Variants in CFL1 observed in about 807,000 individuals in gnomAD.
CFL1 encodes the protein cofilin 1.
A neutral mutation model predicts 16.3 loss-of-function variants in CFL1; 2 were observed. That is an observed-to-expected ratio of 0.12 (90% CI 0.05 to 0.39). CFL1 has a LOEUF of 0.39. CFL1 is among the 10% of genes least tolerant of loss of function. The probability of loss-of-function intolerance (pLI) is 0.99; values close to 1 mark genes in which losing one functional copy is unlikely to be tolerated. For synonymous variants in CFL1, 111 were observed against 84.4 expected (o/e 1.31, Z -1.73); for missense variants, 75 against 212.2 (o/e 0.35, Z 4.02).
At position 65,855,082 on chromosome 11, in the gene CFL1, G is replaced by C. The variant is rs1044213512; in HGVS notation, c.*254C>G. 2.9e-5 allele frequency: 13 copies of C among 448,414 alleles called. No individual in the cohort carries two copies. The highest frequency in any genetic ancestry group is 2.4e-4 in the African/African-American group (12 of 50,288). 27.8% of individuals were successfully genotyped at this position (448,414 alleles called of 1,614,324 possible). On this transcript the variant is annotated 3_prime_UTR_variant, in exon 4 of 4. Transcript: ENST00000308162. ...TCCCCCACAACTGGGGTGCCTGGGGGGAACTTGGTCTGCTTCAGCCCAAGA... is the reference window on the plus strand; with the variant it reads ...TCCCCCACAACTGGGGTGCCTGGGGCGAACTTGGTCTGCTTCAGCCCAAGA...
Position 65,856,251 on chromosome 11 carries a change from C to T in CFL1, c.4-9G>A, listed in dbSNP as rs1438901055. On this transcript the variant is annotated splice_polypyrimidine_tract_variant and intron_variant, in intron 1 of 3. Coordinates refer to ENST00000308162, the MANE Select transcript of CFL1 (RefSeq NM_005507.3). ...ACAGCCACACCGGAGGCCTAGGAGA[C>T]ATGCCACGTATACGTCAAGAAAAGG... is the stretch of plus-strand genomic sequence containing the variant. 2 of 1,609,810 alleles carry T rather than the reference C, an allele frequency of 1.2e-6. No individual in the cohort carries two copies. Among genetic ancestry groups the T allele is most frequent in the East Asian group, 2.2e-5 (1 of 44,790 alleles).
chr11:65,855,130 T>A lies in CFL1; in HGVS notation c.*206A>T, dbSNP rs555355558. 20 of 531,772 alleles carry A rather than the reference T, an allele frequency of 3.8e-5. No individual in the cohort carries two copies. Among genetic ancestry groups the A allele is most frequent in the African/African-American group, 3.3e-4 (17 of 52,024 alleles). The allele number at this position is 531,772 out of a possible 1,614,324, so 32.9% of individuals were successfully genotyped here. A position where few individuals can be genotyped will look rare whatever the true frequency, so the allele number is the denominator to read the frequency against. ...AGAGGAATCAAAAGATCAAAAGCAG[T>A]TTGGGAAGGCCAGAACCGTCAAGGG... On this transcript the variant is annotated 3_prime_UTR_variant, in exon 4 of 4. Coordinates refer to ENST00000308162, the MANE Select transcript of CFL1 (RefSeq NM_005507.3).
At position 65,855,664 on chromosome 11, in the gene CFL1, C is replaced by T. The variant is rs370088055; in HGVS notation, c.378G>A (p.Lys126=). The change falls in exon 3 of 4, where the codon AAG becomes AAA. Residue 126 remains lysine, a synonymous_variant. Coordinates refer to ENST00000308162, the MANE Select transcript of CFL1 (RefSeq NM_005507.3). ...IYASSKDAIK[K]KLTGIKHELQ... ...AATGCTGGCCCTTACCTGTCAGCTT[C>T]TTCTTGATGGCGTCCTTGGAGCTGG... is the stretch of plus-strand genomic sequence containing the variant. 6.4e-5 allele frequency: 101 copies of T among 1,571,442 alleles called. No individual in the cohort carries two copies. Among genetic ancestry groups the T allele is most frequent in the South Asian group, 8.3e-5 (7 of 83,906 alleles).
intron 1 of CFL1, chr11:65,857,348 A>C (rs1342292589): frequency 2.7e-6 from 1 of 371,920 alleles, no homozygotes. Flanking sequence ...TCGCTGGCCC[A>C]GGGCTTCGGC....
intron 1 of CFL1, chr11:65,856,819 C>T: frequency 6.4e-6 from 1 of 155,154 alleles, no homozygotes; most frequent in Non-Finnish European, 1.4e-5. Context: ...AAGGACCCTG[C>T]CCGACAACTC....
intron 1 of CFL1, 59 bp downstream of exon 1, chr11:65,858,038 C>T (rs1451514922): frequency 6.6e-7 from 1 of 1,513,352 alleles, no homozygotes; most frequent in Non-Finnish European, 8.8e-7. Context: ...CAGTCGCTTC[C>T]CGCGCGCAGG....
chr11:65,856,263 A>T, intron 1 of CFL1, 21 bp from the exon 2 acceptor site: 1 of 1,603,670 alleles, frequency 6.2e-7, no homozygotes, highest in Non-Finnish European at 8.5e-7. Flanking sequence ...TGCCACGTAT[A>T]CGTCAAGAAA....
At chr11:65,857,368 C>T (rs1346004143) in intron 1 of CFL1, 2 of 400,366 alleles carry the variant, frequency 5.0e-6, no homozygotes, top group Non-Finnish European at 1.0e-5. Flanking sequence ...CACCGGCGGC[C>T]GGGCCTGAGC....
In CFL1 at chr11:65,858,079, C is replaced by T. The variant is rs978671560; in HGVS notation, c.3+18G>A. ...GACCCGCAGCCGCCTCCCTCAGGCG[C>T]CGTGGCCTGCCGCTCACCATGTTTC... On this transcript the variant is annotated intron_variant, in intron 1 of 3. Transcript: ENST00000308162. 9 of 1,534,302 alleles carry T rather than the reference C, an allele frequency of 5.9e-6. No individual in the cohort carries two copies. The highest frequency in any genetic ancestry group is 7.9e-6 in the Non-Finnish European group (9 of 1,141,426).
At chr11:65,857,280 G>A (rs773680425) in intron 1 of CFL1, 7 of 283,102 alleles carry the variant, frequency 2.5e-5, no homozygotes, top group African/African-American at 4.7e-5. Context: ...GGCGGTGCCC[G>A]CCTGGGTCAC....
intron 2 of CFL1, 31 bp downstream of exon 2, chr11:65,855,904 G>C: frequency 6.3e-7 from 1 of 1,594,812 alleles, no homozygotes; most frequent in Non-Finnish European, 8.6e-7. Context: ...AAGGGGGCAG[G>C]TGACAGGAAG....
chr11:65,858,142 G>C lies in CFL1; in HGVS notation c.-43C>G, dbSNP rs776830820. The C allele has an allele frequency of 3.3e-6, 5 of 1,519,348 alleles. No individual in the cohort carries two copies. Among genetic ancestry groups the C allele is most frequent in the Non-Finnish European group, 4.4e-6 (5 of 1,133,250 alleles). The allele number at this position is 1,519,348 out of a possible 1,614,324, so 94.1% of individuals were successfully genotyped here. A position where few individuals can be genotyped will look rare whatever the true frequency, so the allele number is the denominator to read the frequency against. On this transcript the variant is annotated 5_prime_UTR_variant, in exon 1 of 4. Coordinates refer to ENST00000308162, the MANE Select transcript of CFL1 (RefSeq NM_005507.3). Reference sequence around the variant, plus strand: ...GGAGAGGGCACCGAGAGCCGCAGAAGACGAGAGCGCTGCAGCCGCTGCCGG... The same window carrying C: ...GGAGAGGGCACCGAGAGCCGCAGAACACGAGAGCGCTGCAGCCGCTGCCGG...
intron 1 of CFL1, chr11:65,857,030 A>T (rs930632827): frequency 6.5e-6 from 1 of 154,534 alleles, no homozygotes; most frequent in African/African-American, 2.4e-5. Context: ...GAAGCCGGCC[A>T]CGTGACTCGG....
intron 1 of CFL1, chr11:65,857,273 G>A (rs1312825224): frequency 1.1e-5 from 3 of 279,348 alleles, no homozygotes; most frequent in Non-Finnish European, 2.2e-5. Context: ...GTTTCCGGGC[G>A]GTGCCCGCCT....
rs1859379236 is a variant in CFL1 at position 65,856,029 on chromosome 11, T to C, written c.217A>G (p.Lys73Glu). 29 of 1,614,132 alleles carry C rather than the reference T, an allele frequency of 1.8e-5. No homozygotes were observed. Among genetic ancestry groups the C allele is most frequent in the Non-Finnish European group, 2.4e-5 (28 of 1,180,020 alleles). ...CGGCAGTCCTTATCTGGCAGCATCT[T>C]GACAAAGGTGGCGTAGGGGTCGTCG... ...TVDDPYATFV[K>E]MLPDKDCRYA... Residue 73 changes from lysine to glutamate, a missense_variant, in exon 2 of 4, where the codon AAG becomes GAG. Lys to Glu is a moderately conservative substitution (Grantham distance 56). Coordinates refer to ENST00000308162, the MANE Select transcript of CFL1 (RefSeq NM_005507.3).
intron 3 of CFL1, 37 bp downstream of exon 3, chr11:65,855,617 G>A: frequency 1.3e-6 from 2 of 1,561,254 alleles, no homozygotes; most frequent in Non-Finnish European, 8.7e-7. Flanking sequence ...GCCAAGGCCA[G>A]AGCAGAAGGG....
chr11:65,855,874 C>T, intron 2 of CFL1, 61 bp downstream of exon 2: 1 of 1,568,082 alleles, frequency 6.4e-7, no homozygotes, highest in Non-Finnish European at 8.7e-7. Context: ...CCAGGAGCCA[C>T]AGAAGTTCCC....
Position 65,855,651 on chromosome 11 carries a change from T to C in CFL1, c.388+3A>G. On this transcript the variant is annotated splice_donor_region_variant and intron_variant, in intron 3 of 3. Coordinates refer to ENST00000308162, the MANE Select transcript of CFL1 (RefSeq NM_005507.3). The stretch of plus-strand genomic sequence containing the variant: ...GGCACTCAGCACCAATGCTGGCCCT[T>C]ACCTGTCAGCTTCTTCTTGATGGCG... 2 of 1,567,332 alleles carry C rather than the reference T, an allele frequency of 1.3e-6. No individual in the cohort carries two copies. The highest frequency in any genetic ancestry group is 8.6e-7 in the Non-Finnish European group (1 of 1,157,744).
In CFL1 at chr11:65,855,061, C is replaced by T; in HGVS notation, c.*275G>A. On this transcript the variant is annotated 3_prime_UTR_variant, in exon 4 of 4. Transcript: ENST00000308162. ...GTTGTTAAAAAAAATACAGGCTCCC[C>T]CACAACTGGGGTGCCTGGGGGGAAC... 2.4e-6 allele frequency: 1 copy of T among 414,346 alleles called. No homozygotes were observed. Among genetic ancestry groups the T allele is most frequent in the East Asian group, 4.8e-5 (1 of 20,910 alleles). 25.7% of individuals were successfully genotyped at this position (414,346 alleles called of 1,614,324 possible). A position where few individuals can be genotyped will look rare whatever the true frequency, so the allele number is the denominator to read the frequency against.
Sources: allele counts gnomAD v4.1 joint callset, GRCh38; gene constraint gnomAD v4.1.1; transcripts MANE v1.5; gene names NCBI Gene and HGNC (gene_info 2026-07-23, HGNC 2026-07-21).